The following CTNNA2 variants were observed in gnomAD, a reference collection of about 807,000 sequenced individuals.
CTNNA2 encodes catenin alpha 2, also known as catenin alpha-2.
In CTNNA2, 42 loss-of-function variants were observed where a neutral mutation model predicts 101.0. The ratio of observed to expected loss-of-function variants is 0.42; its 90% CI spans 0.32 to 0.54. The LOEUF (loss-of-function observed/expected upper bound fraction) is 0.54, where lower values mean the gene tolerates loss of function less well. Among genes scored for constraint, CTNNA2 ranks in the 20% least tolerant of loss-of-function variants. The probability of loss-of-function intolerance (pLI) is 0.14; values close to 1 mark genes in which losing one functional copy is unlikely to be tolerated. For missense variants in CTNNA2, 871 were observed against 1,223.1 expected, an observed-to-expected ratio of 0.71 and a Z score of 4.29; for synonymous variants, 450 against 456.4, an observed-to-expected ratio of 0.99 and a Z score of 0.18.
intron 7 of CTNNA2, among the ~76,000 whole-genome samples, chr2:80,387,145 C>T (rs538797940): frequency 9.2e-5 from 14 of 152,008 alleles, no homozygotes; most frequent in South Asian, 8.3e-4. Flanking sequence ...AAAAATTAGC[C>T]GGGCGTGGTG....
intron 7 of CTNNA2, among the ~76,000 whole-genome samples, chr2:79,977,942 G>A (rs537220085): frequency 6.6e-6 from 1 of 152,218 alleles, no homozygotes. Context: ...GGTGAGTACA[G>A]TGGAAAGAAG....
At chr2:79,294,920 C>T (rs1675939796) in intron 2 of CTNNA2, among the ~76,000 whole-genome samples, 1 of 151,970 alleles carries the variant, frequency 6.6e-6, no homozygotes, top group Admixed American at 6.6e-5. Context: ...GATATATTAT[C>T]TACTGATTTG....
At chr2:80,439,534 G>T (rs1056831981) in intron 9 of CTNNA2, among the ~76,000 whole-genome samples, 1 of 152,128 alleles carries the variant, frequency 6.6e-6, no homozygotes, top group Non-Finnish European at 1.5e-5. Context: ...GAGTAGCTGG[G>T]ATTACAGGCG....
chr2:79,617,242 A>G (rs762043292), intron 1 of CTNNA2, among the ~76,000 whole-genome samples: 1 of 151,866 alleles, frequency 6.6e-6, no homozygotes, highest in Non-Finnish European at 1.5e-5. Context: ...CATTTTCCCC[A>G]TCCTCTGCCT....
intron 18 of CTNNA2, among the ~76,000 whole-genome samples, chr2:80,633,163 C>T (rs1037141639): frequency 6.6e-6 from 1 of 152,112 alleles, no homozygotes; most frequent in Non-Finnish European, 1.5e-5. Flanking sequence ...TATTATCAGC[C>T]TCACATCATT....
intron 9 of CTNNA2, among the ~76,000 whole-genome samples, chr2:80,465,819 G>A (rs191285004): frequency 1.3e-4 from 19 of 151,964 alleles, no homozygotes; most frequent in Admixed American, 4.6e-4. Context: ...TATTTGTTTC[G>A]TAAGCCCAAG....
chr2:80,560,219 G>T (rs575262892), intron 12 of CTNNA2, among the ~76,000 whole-genome samples: 2 of 152,140 alleles, frequency 1.3e-5, no homozygotes, highest in East Asian at 3.9e-4. Context: ...TTATACGAAT[G>T]GGAAGGTTTT....
At chr2:80,527,394 G>T (rs1203641829) in intron 9 of CTNNA2, among the ~76,000 whole-genome samples, 3 of 152,158 alleles carry the variant, frequency 2.0e-5, no homozygotes, top group African/African-American at 7.2e-5. Context: ...AGATGACTGG[G>T]CCCCACCCCC....
chr2:80,580,629 A>G (rs913512378), intron 13 of CTNNA2, among the ~76,000 whole-genome samples: 5 of 152,186 alleles, frequency 3.3e-5, no homozygotes, highest in African/African-American at 1.2e-4. Flanking sequence ...TTGATAATAC[A>G]TATGTAAAAG....
intron 12 of CTNNA2, among the ~76,000 whole-genome samples, chr2:80,556,706 T>TTA (rs1384251900): frequency 6.9e-6 from 1 of 144,038 alleles, no homozygotes; most frequent in Non-Finnish European, 1.6e-5. Flanking sequence ...AGGCCTTGAT[T>TTA]TATATATATG....
intron 7 of CTNNA2, among the ~76,000 whole-genome samples, chr2:80,329,802 G>T (rs968320880): frequency 1.3e-5 from 2 of 152,196 alleles, no homozygotes; most frequent in Admixed American, 1.3e-4. Context: ...GGCTCAGTAT[G>T]TATGTTCCCT....
chr2:79,727,214 T>C (rs190772986), intron 2 of CTNNA2, among the ~76,000 whole-genome samples: 1 of 152,370 alleles, frequency 6.6e-6, no homozygotes, highest in East Asian at 1.9e-4. Context: ...GTAATTAAGC[T>C]AATTTAGTGG....
intron 1 of CTNNA2, chr2:79,523,302 AG>A (rs1248772046): frequency 2.2e-6 from 1 of 445,308 alleles, no homozygotes; most frequent in African/African-American, 2.0e-5. Context: ...AAAGAAATAG[AG>A]GTGAAGGTTT....
intron 18 of CTNNA2, among the ~76,000 whole-genome samples, chr2:80,624,181 GT>G (rs1177387506): frequency 1.3e-5 from 2 of 151,798 alleles, no homozygotes; most frequent in African/African-American, 4.8e-5. Flanking sequence ...AGTAACATTT[GT>G]TTGGGGATGG....
chr2:79,243,933 A>G (rs975825110), intron 2 of CTNNA2, among the ~76,000 whole-genome samples: 8 of 152,280 alleles, frequency 5.3e-5, no homozygotes, highest in African/African-American at 1.9e-4. Flanking sequence ...GCCAAGGTAT[A>G]GCAGCTGCTT....
intron 7 of CTNNA2, among the ~76,000 whole-genome samples, chr2:80,154,021 C>T (rs1389141064): frequency 6.6e-6 from 1 of 152,146 alleles, no homozygotes; most frequent in Non-Finnish European, 1.5e-5. Flanking sequence ...TAGTGTCTGT[C>T]CCATAGACTT....
chr2:79,322,692 C>G (rs1270785250), intron 3 of CTNNA2, among the ~76,000 whole-genome samples: 2 of 152,110 alleles, frequency 1.3e-5, no homozygotes, highest in Non-Finnish European at 1.5e-5. Flanking sequence ...TTGCTCCATT[C>G]AATTCTCATG....
chr2:80,622,655 C>T (rs1285833394), intron 18 of CTNNA2, among the ~76,000 whole-genome samples: 2 of 151,902 alleles, frequency 1.3e-5, no homozygotes, highest in Non-Finnish European at 2.9e-5. Flanking sequence ...ACGAAGAACA[C>T]TTAATTTGAA....
intron 6 of CTNNA2, among the ~76,000 whole-genome samples, chr2:79,884,232 C>T (rs1683665364): frequency 2.6e-5 from 4 of 152,170 alleles, no homozygotes; most frequent in South Asian, 4.1e-4. Context: ...GTTCTTGCTC[C>T]TTCAGTTTCT....
Sources: gnomAD v4.1 joint callset for allele counts (sites outside exome capture counted in the v4.1 genomes callset) on GRCh38, gnomAD v4.1.1 for gene constraint, MANE v1.5 for transcripts, NCBI Gene and HGNC (gene_info 2026-07-23, HGNC 2026-07-21) for gene names.